The following KDELR1 variants were observed in gnomAD, a reference collection of about 807,000 sequenced individuals.
KDELR1 encodes KDEL endoplasmic reticulum protein retention receptor 1.
A neutral mutation model predicts 25.5 loss-of-function variants in KDELR1; 16 were observed. The ratio of observed to expected loss-of-function variants is 0.63; its 90% CI spans 0.43 to 0.95. The LOEUF is 0.95. KDELR1 is among the 40% of genes least tolerant of loss of function. KDELR1 has a pLI of 0.00. For missense variants in KDELR1, 159 were observed against 265.2 expected (o/e 0.60, Z 2.78); for synonymous variants, 121 against 115.0 (o/e 1.05, Z -0.33).
chr19:48,384,518 G>A lies in KDELR1; in HGVS notation c.352-36C>T. 6.3e-7 allele frequency: 1 copy of A among 1,595,950 alleles called. No individual in the cohort carries two copies. The highest frequency in any genetic ancestry group is 8.5e-7 in the Non-Finnish European group (1 of 1,169,844). ...GCCGGGGACATGATGAGGTGGGAGGGGACAGGGCGGGAGAAAAGGCAGAGG... is the reference window on the plus strand; with the variant it reads ...GCCGGGGACATGATGAGGTGGGAGGAGACAGGGCGGGAGAAAAGGCAGAGG... On this transcript the variant is annotated intron_variant, in intron 3 of 4. Transcript: ENST00000330720. This position sits in a 1 kb window ranked among gnomAD's most constrained non-coding sequence, Gnocchi z 4.6.
upstream of KDELR1, among the ~76,000 whole-genome samples, chr19:48,393,807 G>A (rs1418972389): frequency 6.6e-6 from 1 of 152,152 alleles, no homozygotes; most frequent in East Asian, 1.9e-4. The surrounding 1 kb of genome is among the most constrained non-coding windows in gnomAD (Gnocchi z 5.6). Context: ...GCCTGCTGGG[G>A]GTGTTGCCTG....
chr19:48,397,286 CTCTT>C, the KDELR1 span, among the ~76,000 whole-genome samples: 2 of 152,074 alleles, frequency 1.3e-5, no homozygotes, highest in African/African-American at 4.8e-5. Context: ...ACTAATTTCT[CTCTT>C]TCTCTCCCCA....
upstream of KDELR1, among the ~76,000 whole-genome samples, chr19:48,393,177 C>T (rs2147427379): frequency 6.7e-6 from 1 of 150,256 alleles, no homozygotes; most frequent in East Asian, 2.0e-4. The surrounding 1 kb of genome is among the most constrained non-coding windows in gnomAD (Gnocchi z 5.6). Context: ...GACTTGGAGG[C>T]GGTCCCCAAA....
At chr19:48,397,246 T>C in the KDELR1 span, among the ~76,000 whole-genome samples, 1 of 152,134 alleles carries the variant, frequency 6.6e-6, no homozygotes, top group East Asian at 1.9e-4. Context: ...AGTAAGGTCA[T>C]GTGGGGATTT....
chr19:48,391,660 G>T, upstream of KDELR1: 1 of 425,676 alleles, frequency 2.3e-6, no homozygotes, highest in Non-Finnish European at 4.3e-6. Context: ...TTGCCGTGGC[G>T]GCGCTAAACG....
At chr19:48,388,407 C>T (rs912139873) in intron 3 of KDELR1, among the ~76,000 whole-genome samples, 6 of 152,062 alleles carry the variant, frequency 3.9e-5, no homozygotes, top group South Asian at 2.1e-4. Flanking sequence ...GATTTGGAGC[C>T]GGGCGCGGTG....
intron 3 of KDELR1, among the ~76,000 whole-genome samples, chr19:48,385,012 G>A: frequency 6.6e-6 from 1 of 151,448 alleles, no homozygotes; most frequent in South Asian, 2.1e-4. Context: ...TCAGCCTCCT[G>A]AGTAGCTGGG....
the KDELR1 span, among the ~76,000 whole-genome samples, chr19:48,397,282 TTC>T: frequency 1.3e-5 from 2 of 151,990 alleles, no homozygotes; most frequent in South Asian, 2.1e-4. Flanking sequence ...CCCCACTAAT[TTC>T]TCTCTTTCTC....
intron 3 of KDELR1, among the ~76,000 whole-genome samples, chr19:48,388,039 A>G (rs1970510074): frequency 6.6e-6 from 1 of 152,380 alleles, no homozygotes; most frequent in African/African-American, 2.4e-5. Context: ...CACTTCAGTC[A>G]TTGAACATTG....
chr19:48,395,614 T>TG (rs1347353291), upstream of KDELR1, among the ~76,000 whole-genome samples: 1 of 151,512 alleles, frequency 6.6e-6, no homozygotes, highest in South Asian at 2.1e-4. Context: ...TTGGATGCTG[T>TG]GGGGGGCAAT....
At chr19:48,392,813 T>A (rs1970575748), upstream of KDELR1, among the ~76,000 whole-genome samples, 1 of 152,058 alleles carries the variant, frequency 6.6e-6, no homozygotes, top group African/African-American at 2.4e-5. Context: ...GGCCCCGGTG[T>A]CCTGCCCCAC....
At chr19:48,383,371 T>C in intron 4 of KDELR1, 44 bp from the exon 5 acceptor site, 4 of 1,538,662 alleles carry the variant, frequency 2.6e-6, no homozygotes, top group Non-Finnish European at 3.5e-6. Context: ...CTGGGGCCCC[T>C]GCAGGGAGGG....
chr19:48,384,139 TA>T lies in KDELR1; in HGVS notation c.604+90del, dbSNP rs1271656054. 1.3e-6 allele frequency: 2 copies of T among 1,488,244 alleles called. No individual in the cohort carries two copies. The highest frequency in any genetic ancestry group is 2.5e-5 in the South Asian group (2 of 78,792). The allele number at this position is 1,488,244 out of a possible 1,614,324, so 92.2% of individuals were successfully genotyped here. A position where few individuals can be genotyped will look rare whatever the true frequency, so the allele number is the denominator to read the frequency against. On this transcript the variant is annotated intron_variant, in intron 4 of 4. Transcript: ENST00000330720. The surrounding 1 kb of genome is among the most constrained non-coding windows in gnomAD (Gnocchi z 4.6). The stretch of plus-strand genomic sequence containing the variant: ...GCGAAGAAATGCTCCCTTCTTTGCA[TA>T]ATACAGGGGTAAGGAGACCCCAGTC...
In KDELR1 at chr19:48,384,042, A is replaced by G. The variant is rs1370115046; in HGVS notation, c.604+188T>C. On this transcript the variant is annotated intron_variant, in intron 4 of 4. Transcript: ENST00000330720. This position sits in a 1 kb window ranked among gnomAD's most constrained non-coding sequence, Gnocchi z 4.6. ...TGGGGGCTAAGGACAGAAACTCCTT[A>G]GCCCTTAGGGAGGCAGAGGCTAACG... Among the ~76,000 whole-genome samples, 1 of 152,202 alleles carries G rather than the reference A, an allele frequency of 6.6e-6. No individual in the cohort carries two copies. Among genetic ancestry groups the G allele is most frequent in the African/African-American group, 2.4e-5 (1 of 41,450 alleles).
intron 1 of KDELR1, chr19:48,390,872 C>T: frequency 2.3e-6 from 1 of 437,074 alleles, no homozygotes; most frequent in Non-Finnish European, 4.2e-6. Flanking sequence ...GAGGTGAGGC[C>T]TAGGGAGGAC....
At chr19:48,391,816 A>T (rs774277450), upstream of KDELR1, among the ~76,000 whole-genome samples, 16 of 152,068 alleles carry the variant, frequency 1.1e-4, no homozygotes, top group Non-Finnish European at 2.2e-4. Context: ...GGATGTAGAG[A>T]CTGCCCTCTG....
chr19:48,383,419 G>C, intron 4 of KDELR1, 92 bp from the exon 5 acceptor site: 3 of 1,129,610 alleles, frequency 2.7e-6, no homozygotes, highest in Non-Finnish European at 3.9e-6. Flanking sequence ...AGGCACGCTA[G>C]ATGGGCAGAT....
intron 3 of KDELR1, 184 bp downstream of exon 3, chr19:48,389,369 T>G: frequency 1.6e-6 from 1 of 640,118 alleles, no homozygotes; most frequent in Non-Finnish European, 2.8e-6. Context: ...GACTGACACA[T>G]AGCGAGTCTT....
chr19:48,386,110 C>CT (rs558516450), intron 3 of KDELR1, among the ~76,000 whole-genome samples: 266 of 138,390 alleles, frequency 1.9e-3, no homozygotes, highest in Admixed American at 2.3e-3. Flanking sequence ...AGGTCTGTTG[C>CT]TTTTTTTTTT....
Sources: allele counts gnomAD v4.1 joint callset (sites outside exome capture counted in the v4.1 genomes callset), GRCh38; gene constraint gnomAD v4.1.1; non-coding constraint Gnocchi (gnomAD v3.1); transcripts MANE v1.5; gene names NCBI Gene and HGNC (gene_info 2026-07-23, HGNC 2026-07-21).